CNTNAP2: variants seen among roughly 807,000 people sequenced by gnomAD.
CNTNAP2 encodes the protein contactin-associated protein-like 2.
A neutral mutation model predicts 155.2 loss-of-function variants in CNTNAP2; 98 were observed. That is an observed-to-expected ratio of 0.63 (90% CI 0.54 to 0.75). The LOEUF (loss-of-function observed/expected upper bound fraction) is 0.75, where lower values mean the gene tolerates loss of function less well. Among genes scored for constraint, CNTNAP2 ranks in the 30% least tolerant of loss-of-function variants. CNTNAP2 has a pLI of 0.00. For missense variants in CNTNAP2, 1,727 were observed against 1,688.1 expected (o/e 1.02, Z -0.40); for synonymous variants, 651 against 631.2 (o/e 1.03, Z -0.47).
intron 20 of CNTNAP2, among the ~76,000 whole-genome samples, chr7:148,257,922 A>AAC (rs59515015): frequency 0.011 from 1,592 of 138,748 alleles, 19 homozygotes; most frequent in Non-Finnish European, 0.016. Flanking sequence ...CCACACCTTA[A>AAC]ACACACACAC....
intron 8 of CNTNAP2, among the ~76,000 whole-genome samples, chr7:147,173,581 A>G (rs1387238412): frequency 6.6e-6 from 1 of 152,128 alleles, no homozygotes; most frequent in Non-Finnish European, 1.5e-5. Flanking sequence ...AAGGAAAAAC[A>G]TTTTGTGTAT....
chr7:148,388,983 G>A (rs1423881574), intron 22 of CNTNAP2, among the ~76,000 whole-genome samples: 1 of 152,150 alleles, frequency 6.6e-6, no homozygotes, highest in African/African-American at 2.4e-5. Flanking sequence ...GGGGTCAGGG[G>A]TCAGAGACCC....
rs1797645609 is a variant in CNTNAP2, at chr7:147,441,854, TCCC to T, written c.1671-44080_1671-44078del. On this transcript the variant is annotated intron_variant, in intron 10 of 23. Coordinates refer to ENST00000361727, the MANE Select transcript of CNTNAP2 (RefSeq NM_014141.6). ...CTCTCTCTCTCTCTCTCTCTCTCCCTCCCTCCCTCCCTCCCTCCCTCCCTCCGT... is the reference window on the plus strand; with the variant it reads ...CTCTCTCTCTCTCTCTCTCTCTCCCTTCCCTCCCTCCCTCCCTCCCTCCGT... 1.5e-3 allele frequency among the ~76,000 whole-genome samples: 168 copies of T among 109,750 alleles called. 2 individuals carry two copies. Among genetic ancestry groups the T allele is most frequent in the African/African-American group, 5.2e-3 (158 of 30,266 alleles). The allele number at this position is 109,750 out of a possible 152,430, so 72.0% of individuals were successfully genotyped here.
At chr7:148,351,699 C>T (rs1264439004) in intron 21 of CNTNAP2, among the ~76,000 whole-genome samples, 5 of 142,388 alleles carry the variant, frequency 3.5e-5, no homozygotes, top group South Asian at 2.2e-4. Context: ...GCCGAGATCA[C>T]GCCTCTGCAC....
At chr7:147,494,085 A>G (rs1372881215) in intron 11 of CNTNAP2, among the ~76,000 whole-genome samples, 1 of 141,942 alleles carries the variant, frequency 7.0e-6, no homozygotes, top group Non-Finnish European at 1.5e-5. Context: ...AAGTGATGTC[A>G]CTTCCTGAAA....
chr7:146,716,286 C>A (rs550985234), intron 1 of CNTNAP2, among the ~76,000 whole-genome samples: 1 of 150,034 alleles, frequency 6.7e-6, no homozygotes. Flanking sequence ...CTTAGGATTT[C>A]TGGTGCTAAT....
chr7:148,224,597 C>T (rs1795812520), intron 19 of CNTNAP2, among the ~76,000 whole-genome samples: 1 of 152,108 alleles, frequency 6.6e-6, no homozygotes. Flanking sequence ...TTTTAAATGA[C>T]CCAATAAAAT....
At position 148,322,895 on chromosome 7, in the gene CNTNAP2, C is replaced by A. The variant is rs1000231473; in HGVS notation, c.3475+55769C>A. On this transcript the variant is annotated intron_variant, in intron 21 of 23. Transcript: ENST00000361727. ...ATCATTCTCTTTTTCTAAAATCTAT[C>A]CATCCTTCAAAGCCCAGGTTGAAAT... 4.0e-5 allele frequency among the ~76,000 whole-genome samples: 6 copies of A among 148,854 alleles called. No homozygotes were observed. In the South Asian group the frequency reaches 6.6e-4, roughly 16 times the overall value.
At chr7:146,265,144 C>T (rs971601575) in intron 1 of CNTNAP2, among the ~76,000 whole-genome samples, 2 of 152,080 alleles carry the variant, frequency 1.3e-5, no homozygotes, top group East Asian at 3.9e-4. Context: ...CTGTGTATAA[C>T]GCTCGTATTA....
intron 13 of CNTNAP2, among the ~76,000 whole-genome samples, chr7:147,743,086 A>C (rs1283501718): frequency 6.6e-6 from 1 of 152,202 alleles, no homozygotes; most frequent in African/African-American, 2.4e-5. Flanking sequence ...CAACACATTC[A>C]CAGTCTTCTA....
At chr7:147,507,820 A>G (rs1465744825) in intron 11 of CNTNAP2, among the ~76,000 whole-genome samples, 1 of 151,806 alleles carries the variant, frequency 6.6e-6, no homozygotes, top group Non-Finnish European at 1.5e-5. Context: ...CAAAGTGCTG[A>G]GATTACAGGC....
intron 1 of CNTNAP2, among the ~76,000 whole-genome samples, chr7:146,128,622 A>C (rs1797671747): frequency 6.6e-6 from 1 of 152,174 alleles, no homozygotes; most frequent in Non-Finnish European, 1.5e-5. Flanking sequence ...TGTGATTTAT[A>C]TTTACTTATG....
chr7:148,297,173 G>GAAGC (rs1797301086), intron 21 of CNTNAP2, among the ~76,000 whole-genome samples: 2 of 144,090 alleles, frequency 1.4e-5, no homozygotes, highest in South Asian at 4.3e-4. Context: ...GAAAAGGAAG[G>GAAGC]AAGGAAGGAA....
rs1047012995 is a variant in CNTNAP2 at position 146,869,941 on chromosome 7, A to G, written c.402+30037A>G. Among the ~76,000 whole-genome samples, 5 of 152,120 alleles carry G rather than the reference A, an allele frequency of 3.3e-5. No homozygotes were observed. In the South Asian group the frequency reaches 1.0e-3, roughly 31 times the overall value. On this transcript the variant is annotated intron_variant, in intron 3 of 23. Coordinates refer to ENST00000361727, the MANE Select transcript of CNTNAP2 (RefSeq NM_014141.6). ...CAGAAACAATACTTCGCATCCTTCA[A>G]TGATCAAGTTGACACTTCATGTTAA...
chr7:147,088,426 A>G (rs1296094569), intron 4 of CNTNAP2, among the ~76,000 whole-genome samples: 1 of 152,168 alleles, frequency 6.6e-6, no homozygotes, highest in Non-Finnish European at 1.5e-5. Context: ...TCCTTTTCTA[A>G]CCTTAAATTT....
chr7:146,470,252 G>A (rs1796777462), intron 1 of CNTNAP2, among the ~76,000 whole-genome samples: 1 of 152,074 alleles, frequency 6.6e-6, no homozygotes, highest in Non-Finnish European at 1.5e-5. Flanking sequence ...TATATACATG[G>A]AATGAGTCTG....
chr7:146,352,904 G>A (rs979652022), intron 1 of CNTNAP2, among the ~76,000 whole-genome samples: 21 of 150,538 alleles, frequency 1.4e-4, no homozygotes, highest in South Asian at 4.2e-4. Context: ...ACAGGCACCC[G>A]CCACCACGCC....
At chr7:147,976,967 C>T (rs1355069159) in intron 14 of CNTNAP2, among the ~76,000 whole-genome samples, 2 of 152,088 alleles carry the variant, frequency 1.3e-5, no homozygotes, top group Non-Finnish European at 2.9e-5. Context: ...CTGCTTTGTG[C>T]CTCCCACCCA....
At position 148,244,566 on chromosome 7, in the gene CNTNAP2, GTT is replaced by G. The variant is rs11343242; in HGVS notation, c.3381+14799_3381+14800del. On this transcript the variant is annotated intron_variant, in intron 20 of 23. Transcript: ENST00000361727. ...GGGGTTTTGTGTGTGTGTGTTTTGG[GTT>G]TTTTTTTTTTTCAATACAGGGTTTC... Among the ~76,000 whole-genome samples, 796 of 142,068 alleles carry G rather than the reference GTT, an allele frequency of 5.6e-3. 6 individuals are homozygous for G. The highest frequency in any genetic ancestry group is 0.019 in the African/African-American group (727 of 38,842). The allele number at this position is 142,068 out of a possible 152,430, so 93.2% of individuals were successfully genotyped here.
Sources: allele counts gnomAD v4.1 joint callset (sites outside exome capture counted in the v4.1 genomes callset), GRCh38; gene constraint gnomAD v4.1.1; transcripts MANE v1.5; gene names NCBI Gene and HGNC (gene_info 2026-07-23, HGNC 2026-07-21).